The following STK33 variants were observed in gnomAD, a reference collection of about 807,000 sequenced individuals.
STK33 encodes serine/threonine-protein kinase 33.
STK33 carries 52 observed loss-of-function variants against 58.0 expected under a neutral mutation model. The ratio of observed to expected loss-of-function variants is 0.90; its 90% CI spans 0.72 to 1.13. The LOEUF is 1.13. Among genes scored for constraint, STK33 ranks in the 50% most tolerant of loss-of-function variants. The pLI is 0.00. For missense variants in STK33, 630 were observed against 604.2 expected, an observed-to-expected ratio of 1.04 and a Z score of -0.45; for synonymous variants, 215 against 200.1, an observed-to-expected ratio of 1.07 and a Z score of -0.63.
intron 14 of STK33, among the ~76,000 whole-genome samples, chr11:8,418,902 C>T (rs896456671): frequency 7.2e-5 from 11 of 152,030 alleles, no homozygotes; most frequent in African/African-American, 2.7e-4. Context: ...TCTTGAAAAG[C>T]GTCATCTGTT....
chr11:8,503,605 C>A (rs1411321301), intron 1 of STK33, among the ~76,000 whole-genome samples: 1 of 152,092 alleles, frequency 6.6e-6, no homozygotes, highest in Non-Finnish European at 1.5e-5. Context: ...GCACATGGAC[C>A]CCTGAAACTA....
rs555976741 is a variant in STK33, at chr11:8,399,098, A to T, written c.1345-6388T>A. Reference sequence around the variant, plus strand: ...AAAAGGATATCCAGGAATTGAACTCAGCTCTGCACCAAGTGGACCTAATAG... The same window carrying T: ...AAAAGGATATCCAGGAATTGAACTCTGCTCTGCACCAAGTGGACCTAATAG... On this transcript the variant is annotated intron_variant, in intron 15 of 15. Transcript: ENST00000687296. 2.9e-3 allele frequency among the ~76,000 whole-genome samples: 449 copies of T among 152,348 alleles called. 4 individuals are homozygous for T. The highest frequency in any genetic ancestry group is 0.01 in the African/African-American group (434 of 41,574).
At chr11:8,347,660 A>C in the STK33 span, among the ~76,000 whole-genome samples, 1 of 152,226 alleles carries the variant, frequency 6.6e-6, no homozygotes, top group South Asian at 2.1e-4. Context: ...CACACTGGCC[A>C]GAACTAGTCA....
At chr11:8,376,520 C>A in the STK33 span, among the ~76,000 whole-genome samples, 2 of 151,988 alleles carry the variant, frequency 1.3e-5, no homozygotes, top group East Asian at 3.9e-4. Flanking sequence ...GCAATACAGT[C>A]TTGTCCTGGC....
intron 11 of STK33, among the ~76,000 whole-genome samples, chr11:8,445,518 G>A (rs1251665380): frequency 6.6e-6 from 1 of 152,180 alleles, no homozygotes; most frequent in African/African-American, 2.4e-5. Context: ...CTGTTGGTGT[G>A]TCATAAATAG....
At chr11:8,527,128 C>CAT (rs147653240) in intron 1 of STK33, among the ~76,000 whole-genome samples, 8,504 of 150,014 alleles carry the variant, frequency 0.057, 359 homozygotes, top group Admixed American at 0.088. Flanking sequence ...GCCCAGCTAA[C>CAT]ATATATATAT....
At chr11:8,525,902 G>T (rs369862062) in intron 1 of STK33, among the ~76,000 whole-genome samples, 2 of 151,986 alleles carry the variant, frequency 1.3e-5, no homozygotes, top group African/African-American at 2.4e-5. Context: ...AAACTGCAAG[G>T]GGGCCTTCAC....
chr11:8,532,158 C>T (rs757764643), intron 1 of STK33, among the ~76,000 whole-genome samples: 28 of 152,298 alleles, frequency 1.8e-4, no homozygotes, highest in Middle Eastern at 6.8e-3. Flanking sequence ...TCTGTAAGTT[C>T]GGAGTACAGA....
intron 1 of STK33, among the ~76,000 whole-genome samples, chr11:8,500,358 A>G (rs528136795): frequency 1.3e-5 from 2 of 149,984 alleles, no homozygotes; most frequent in African/African-American, 4.9e-5. Flanking sequence ...ACACACACAC[A>G]CCAGCTAATA....
chr11:8,522,984 G>A (rs563306910), intron 1 of STK33, among the ~76,000 whole-genome samples: 7 of 152,336 alleles, frequency 4.6e-5, no homozygotes, highest in East Asian at 1.9e-4. Flanking sequence ...GGTGGAGACG[G>A]GGTTTCGCCG....
chr11:8,567,881 G>T (rs1957552447), intron 1 of STK33, among the ~76,000 whole-genome samples: 1 of 152,078 alleles, frequency 6.6e-6, no homozygotes, highest in Admixed American at 6.5e-5. Context: ...CTTATTCTTT[G>T]GGCTTATATT....
At chr11:8,445,997 C>T (rs190491822) in intron 11 of STK33, among the ~76,000 whole-genome samples, 302 of 151,018 alleles carry the variant, frequency 2.0e-3, no homozygotes, top group African/African-American at 7.1e-3. Context: ...GGCTGTGAAT[C>T]GGTCTGGTCC....
At chr11:8,500,119 T>C (rs1299775254) in intron 1 of STK33, among the ~76,000 whole-genome samples, 1 of 152,154 alleles carries the variant, frequency 6.6e-6, no homozygotes, top group Non-Finnish European at 1.5e-5. Flanking sequence ...GATTGAAAGC[T>C]TTCCTCTAAA....
chr11:8,415,598 G>A (rs897896259), intron 14 of STK33, among the ~76,000 whole-genome samples: 1 of 152,040 alleles, frequency 6.6e-6, no homozygotes, highest in Non-Finnish European at 1.5e-5. Flanking sequence ...GTCATGGAAG[G>A]TACTAAGAGC....
the STK33 span, among the ~76,000 whole-genome samples, chr11:8,373,391 T>C: frequency 6.6e-6 from 1 of 151,868 alleles, no homozygotes; most frequent in East Asian, 1.9e-4. Flanking sequence ...CCAGATGATT[T>C]TGATAGGACA....
chr11:8,338,387 GA>G, the STK33 span, among the ~76,000 whole-genome samples: 1 of 152,196 alleles, frequency 6.6e-6, no homozygotes, highest in Non-Finnish European at 1.5e-5. Flanking sequence ...TTTGGCCTCA[GA>G]ACAGATGGCT....
At chr11:8,358,501 G>A in the STK33 span, among the ~76,000 whole-genome samples, 2 of 152,232 alleles carry the variant, frequency 1.3e-5, no homozygotes, top group Admixed American at 6.5e-5. Context: ...GGAAATGAGC[G>A]CTCAAGATGC....
intron 7 of STK33, among the ~76,000 whole-genome samples, chr11:8,462,989 A>C (rs1341052294): frequency 6.6e-6 from 1 of 152,156 alleles, no homozygotes; most frequent in East Asian, 1.9e-4. Context: ...AATGGTTCTT[A>C]AGGGAGTGGA....
chr11:8,542,045 T>C (rs531971963), intron 1 of STK33, among the ~76,000 whole-genome samples: 1 of 152,288 alleles, frequency 6.6e-6, no homozygotes, highest in East Asian at 1.9e-4. Context: ...AAAAGATGAA[T>C]AGGATCATTT....
Sources: gnomAD v4.1 joint callset for allele counts (sites outside exome capture counted in the v4.1 genomes callset) on GRCh38, gnomAD v4.1.1 for gene constraint, MANE v1.5 for transcripts, NCBI Gene and HGNC (gene_info 2026-07-23, HGNC 2026-07-21) for gene names.